The following ADAMTS20 variants were observed in gnomAD, a reference collection of about 807,000 sequenced individuals.
The protein encoded by ADAMTS20 is A disintegrin and metalloproteinase with thrombospondin motifs 20.
In ADAMTS20, 225 loss-of-function variants were observed where a neutral mutation model predicts 260.1. That is an observed-to-expected ratio of 0.87 (90% CI 0.78 to 0.97). The LOEUF (loss-of-function observed/expected upper bound fraction) is 0.97, where lower values mean the gene tolerates loss of function less well. Among genes scored for constraint, ADAMTS20 ranks in the 50% least tolerant of loss-of-function variants. ADAMTS20 has a pLI of 0.00. For synonymous variants in ADAMTS20, 802 were observed against 769.5 expected (o/e 1.04, Z -0.70); for missense variants, 2,400 against 2,337.7 (o/e 1.03, Z -0.55).
At chr12:43,467,250 T>C (rs1348792928) in intron 8 of ADAMTS20, among the ~76,000 whole-genome samples, 1 of 152,046 alleles carries the variant, frequency 6.6e-6, no homozygotes, top group Admixed American at 6.6e-5. Flanking sequence ...TCCATCTATT[T>C]TATATGAAAG....
At chr12:43,359,770 G>A (rs925779963) in intron 37 of ADAMTS20, among the ~76,000 whole-genome samples, 1 of 152,186 alleles carries the variant, frequency 6.6e-6, no homozygotes, top group South Asian at 2.1e-4. Flanking sequence ...ACAGCTGTCT[G>A]TCTATATGTT....
At chr12:43,359,197 T>C (rs1470474122) in intron 37 of ADAMTS20, among the ~76,000 whole-genome samples, 1 of 152,056 alleles carries the variant, frequency 6.6e-6, no homozygotes, top group Non-Finnish European at 1.5e-5. Context: ...AAATCACAAA[T>C]GGAAGGTAAA....
chr12:43,449,916 C>G (rs937329635), intron 14 of ADAMTS20, among the ~76,000 whole-genome samples: 2 of 152,078 alleles, frequency 1.3e-5, no homozygotes, highest in African/African-American at 4.8e-5. Context: ...GAAATAAAAC[C>G]TAGGAATCTG....
rs192976671 is a variant in ADAMTS20, at chr12:43,414,592, A to C, written c.4284+10922T>G. Among the ~76,000 whole-genome samples the C allele has an allele frequency of 3.4e-4, 52 of 152,230 alleles. 1 individual carries two copies. The highest frequency in any genetic ancestry group is 1.2e-3 in the African/African-American group (50 of 41,558). On this transcript the variant is annotated intron_variant, in intron 28 of 38. Coordinates refer to ENST00000389420, the MANE Select transcript of ADAMTS20 (RefSeq NM_025003.5). Reference sequence around the variant, plus strand: ...AATATGATATCCCCTGGGAATAAACAATTTAGCCATCAGAGAAATGCAAAC... The same window carrying C: ...AATATGATATCCCCTGGGAATAAACCATTTAGCCATCAGAGAAATGCAAAC...
chr12:43,530,185 G>T (rs1340614352), intron 3 of ADAMTS20, among the ~76,000 whole-genome samples: 1 of 151,856 alleles, frequency 6.6e-6, no homozygotes, highest in East Asian at 1.9e-4. Flanking sequence ...CAAAAAAAAA[G>T]CCTAGCTTTC....
chr12:43,450,957 T>C (rs748653756), intron 14 of ADAMTS20, among the ~76,000 whole-genome samples: 4 of 151,402 alleles, frequency 2.6e-5, no homozygotes, highest in Admixed American at 6.6e-5. Context: ...GAATTTAGTA[T>C]ATCAAAGAGA....
chr12:43,481,407 C>T (rs1942440165), intron 7 of ADAMTS20, among the ~76,000 whole-genome samples: 1 of 152,176 alleles, frequency 6.6e-6, no homozygotes, highest in Admixed American at 6.5e-5. Context: ...AAATATTTTT[C>T]TTAATGGTGC....
intron 36 of ADAMTS20, among the ~76,000 whole-genome samples, chr12:43,370,367 A>G: frequency 6.6e-6 from 1 of 152,192 alleles, no homozygotes; most frequent in African/African-American, 2.4e-5. Context: ...TACATACACC[A>G]TGTATATATT....
intron 7 of ADAMTS20, among the ~76,000 whole-genome samples, chr12:43,479,004 G>A (rs1174176554): frequency 2.0e-5 from 3 of 152,152 alleles, no homozygotes; most frequent in Non-Finnish European, 4.4e-5. Flanking sequence ...ACTCAGGGTA[G>A]TTAAGTATCA....
chr12:43,521,772 C>A (rs913920759), intron 3 of ADAMTS20, among the ~76,000 whole-genome samples: 1 of 151,916 alleles, frequency 6.6e-6, no homozygotes, highest in Non-Finnish European at 1.5e-5. Context: ...CATAACTGGT[C>A]TCTGTGCGCC....
intron 26 of ADAMTS20, 91 bp from the exon 27 acceptor site, chr12:43,427,560 T>A: frequency 2.4e-6 from 3 of 1,252,558 alleles, no homozygotes; most frequent in Non-Finnish European, 3.2e-6. Context: ...ATTGACTCAA[T>A]CAAAATCAAA....
rs183931396 is a variant in ADAMTS20 at position 43,370,857 on chromosome 12, T to C, written c.5447-1476A>G. Among the ~76,000 whole-genome samples, 153 of 152,338 alleles carry C rather than the reference T, an allele frequency of 1.0e-3. 1 individual carries two copies. The highest frequency in any genetic ancestry group is 3.4e-3 in the Middle Eastern group (1 of 294). On this transcript the variant is annotated intron_variant, in intron 36 of 38. Transcript: ENST00000389420. ...CAGAAAATCCTGTAGTGTCTACCTCTTTAATATTTCTCAAATAGGTATCCT... is the reference window on the plus strand; with the variant it reads ...CAGAAAATCCTGTAGTGTCTACCTCCTTAATATTTCTCAAATAGGTATCCT...
At chr12:43,491,472 G>A (rs1942599076) in intron 6 of ADAMTS20, among the ~76,000 whole-genome samples, 1 of 152,116 alleles carries the variant, frequency 6.6e-6, no homozygotes, top group Non-Finnish European at 1.5e-5. Flanking sequence ...CAGGATTCTA[G>A]AAAGCTGAGA....
chr12:43,502,497 C>T, intron 3 of ADAMTS20, 92 bp from the exon 4 acceptor site: 5 of 1,132,982 alleles, frequency 4.4e-6, no homozygotes, highest in East Asian at 2.4e-5. Context: ...ATATTTAATA[C>T]TTACATATCT....
In ADAMTS20 at chr12:43,529,363, T is replaced by A. The variant is rs1284713696; in HGVS notation, c.613+2673A>T. On this transcript the variant is annotated intron_variant, in intron 3 of 38. Coordinates refer to ENST00000389420, the MANE Select transcript of ADAMTS20 (RefSeq NM_025003.5). ...GAGACACATGCACACATATGTTTAT[T>A]GCAGTCAAATTCACAGTTGCAAAGA... is the stretch of plus-strand genomic sequence containing the variant. 2.6e-5 allele frequency among the ~76,000 whole-genome samples: 4 copies of A among 152,268 alleles called. No individual in the cohort carries two copies. In the East Asian group the frequency reaches 7.7e-4, roughly 29 times the overall value.
At chr12:43,463,295 G>A (rs994667220) in intron 10 of ADAMTS20, among the ~76,000 whole-genome samples, 15 of 152,032 alleles carry the variant, frequency 9.9e-5, no homozygotes, top group Non-Finnish European at 1.8e-4. Context: ...CTCTTTACAA[G>A]ATATCTTTCT....
chr12:43,549,129 T>TA (rs548305189), intron 2 of ADAMTS20, among the ~76,000 whole-genome samples: 155 of 152,122 alleles, frequency 1.0e-3, no homozygotes, highest in Non-Finnish European at 1.7e-3. Context: ...TTTCATTTTT[T>TA]ATTAATGAGT....
chr12:43,440,823 G>A (rs536823050), intron 16 of ADAMTS20, among the ~76,000 whole-genome samples: 12 of 152,052 alleles, frequency 7.9e-5, no homozygotes, highest in African/African-American at 2.4e-4. Flanking sequence ...CTCTAGGGTC[G>A]GGAGGCCGAG....
At position 43,427,419 on chromosome 12, in the gene ADAMTS20, C is replaced by T. The variant is rs562424751; in HGVS notation, c.3996G>A (p.Gln1332=). The part of the protein sequence containing the change: ...GGLQHRAVVC[Q]DENGQSASYC... ...AACTAGCACTTTGTCCATTTTCATC[C>T]TGGCAGACCACAGCCCTATGCTGAA... The change falls in exon 27 of 39, where the codon CAG becomes CAA. Residue 1332 remains glutamine, a synonymous_variant. Coordinates refer to ENST00000389420, the MANE Select transcript of ADAMTS20 (RefSeq NM_025003.5). 1.2e-6 allele frequency: 2 copies of T among 1,613,762 alleles called. No homozygotes were observed. Among genetic ancestry groups the T allele is most frequent in the African/African-American group, 1.3e-5 (1 of 74,926 alleles).
Sources: allele counts gnomAD v4.1 joint callset (sites outside exome capture counted in the v4.1 genomes callset), GRCh38; gene constraint gnomAD v4.1.1; transcripts MANE v1.5; gene names NCBI Gene and HGNC (gene_info 2026-07-23, HGNC 2026-07-21).